NIBAN2: variants seen among roughly 807,000 people sequenced by gnomAD.
NIBAN2 encodes the protein protein Niban 2.
Under a neutral mutation model 81.8 loss-of-function variants are expected in NIBAN2, and 36 were observed. The ratio of observed to expected loss-of-function variants is 0.44; its 90% CI spans 0.34 to 0.58. The LOEUF (loss-of-function observed/expected upper bound fraction) is 0.58, where lower values mean the gene tolerates loss of function less well. Ranked by LOEUF, NIBAN2 falls within the 20% of genes least tolerant of loss-of-function variation. The probability of loss-of-function intolerance (pLI) is 0.02; values close to 1 mark genes in which losing one functional copy is unlikely to be tolerated. For missense variants in NIBAN2, 897 were observed against 1,014.1 expected (o/e 0.88, Z 1.57); for synonymous variants, 445 against 441.6 (o/e 1.01, Z -0.10).
chr9:127,535,066 AT>A (rs1330832085), intron 1 of NIBAN2, among the ~76,000 whole-genome samples: 1 of 152,198 alleles, frequency 6.6e-6, no homozygotes, highest in Non-Finnish European at 1.5e-5. Flanking sequence ...CCCCACAGGC[AT>A]TCTATCAACG....
In NIBAN2 at chr9:127,508,895, GC is replaced by G. The variant is rs1034808263; in HGVS notation, c.1317+80del. On this transcript the variant is annotated intron_variant, in intron 10 of 13. Transcript: ENST00000373312. This position sits in a 1 kb window ranked among gnomAD's most constrained non-coding sequence, Gnocchi z 6.4. ...CGTGGCTATGGCATGACGGGACGGA[GC>G]AGAAGGGACCCCCTGGGCGAGGGGG... 3.3e-6 allele frequency: 5 copies of G among 1,512,226 alleles called. No homozygotes were observed. The African/African-American group carries it at 6.9e-5, about 21-fold the overall frequency. The allele number at this position is 1,512,226 out of a possible 1,614,324, so 93.7% of individuals were successfully genotyped here. A position where few individuals can be genotyped will look rare whatever the true frequency, so the allele number is the denominator to read the frequency against.
rs1222392858 is a variant in NIBAN2 at position 127,508,100 on chromosome 9, C to A, written c.1535G>T (p.Cys512Phe). 6.2e-7 allele frequency: 1 copy of A among 1,613,420 alleles called. No individual in the cohort carries two copies. Among genetic ancestry groups the A allele is most frequent in the Non-Finnish European group, 8.5e-7 (1 of 1,179,888 alleles). The change falls in exon 12 of 14, where the codon TGC (cysteine) becomes TTC (phenylalanine). Residue 512 changes from cysteine to phenylalanine, a missense_variant. Cys to Phe is a radical substitution (Grantham distance 205). Transcript: ENST00000373312. This position sits in a 1 kb window ranked among gnomAD's most constrained non-coding sequence, Gnocchi z 6.4. ...CAGGTGGGGGCTGCTCACCGACTTG[C>A]AGGTAGGGGCCAGCTTCTTGAGCAG... ...PFLLKKLAPT[C>F]KSELPRFQEL...
At chr9:127,551,958 G>A (rs1391133598) in intron 1 of NIBAN2, among the ~76,000 whole-genome samples, 4 of 152,154 alleles carry the variant, frequency 2.6e-5, no homozygotes, top group East Asian at 1.9e-4. Flanking sequence ...AGCAGCAGGT[G>A]CAGGGCTTGC....
At chr9:127,526,543 T>C (rs965151549) in intron 3 of NIBAN2, among the ~76,000 whole-genome samples, 2 of 152,140 alleles carry the variant, frequency 1.3e-5, no homozygotes, top group African/African-American at 4.8e-5. Context: ...ACCACTACTC[T>C]GGGGCACGAG....
chr9:127,519,591 C>T (rs935168728), intron 5 of NIBAN2, among the ~76,000 whole-genome samples: 2 of 152,264 alleles, frequency 1.3e-5, no homozygotes, highest in Non-Finnish European at 2.9e-5. Context: ...CAGCTGACCA[C>T]AGAAATCACT....
intron 1 of NIBAN2, among the ~76,000 whole-genome samples, chr9:127,552,670 G>A (rs1208804046): frequency 1.4e-5 from 2 of 147,266 alleles, no homozygotes; most frequent in African/African-American, 5.0e-5. Flanking sequence ...CTATTGAGGC[G>A]TAATGGAATA....
chr9:127,508,348 G>C lies in NIBAN2; in HGVS notation c.1434+74C>G, dbSNP rs1564293142. On this transcript the variant is annotated intron_variant, in intron 11 of 13. Transcript: ENST00000373312. The surrounding 1 kb of genome is among the most constrained non-coding windows in gnomAD (Gnocchi z 6.4). ...GCCTCCTTGCAGGGACAGCAATCCT[G>C]GTGGTGGCCGGGGATGAGGCTCGGG... 7.1e-7 allele frequency: 1 copy of C among 1,402,914 alleles called. No homozygotes were observed. 86.9% of individuals were successfully genotyped at this position (1,402,914 alleles called of 1,614,324 possible).
intron 1 of NIBAN2, among the ~76,000 whole-genome samples, chr9:127,578,628 A>G (rs970132815): frequency 6.6e-6 from 1 of 151,768 alleles, no homozygotes; most frequent in Non-Finnish European, 1.5e-5. Context: ...AGATCTCGCC[A>G]TTGCAGTCCA....
chr9:127,518,347 C>T (rs1014990542), intron 5 of NIBAN2, among the ~76,000 whole-genome samples: 5 of 152,230 alleles, frequency 3.3e-5, no homozygotes, highest in African/African-American at 4.8e-5. Context: ...TAAGCAGCCA[C>T]CCAGAATGGC....
chr9:127,515,242 CAGG>C (rs1243784511), intron 8 of NIBAN2, among the ~76,000 whole-genome samples: 1 of 152,020 alleles, frequency 6.6e-6, no homozygotes, highest in Non-Finnish European at 1.5e-5. Context: ...GCCGGGCGGC[CAGG>C]CGCGGTGGCT....
At chr9:127,556,660 G>C (rs538433249) in intron 1 of NIBAN2, among the ~76,000 whole-genome samples, 2 of 152,334 alleles carry the variant, frequency 1.3e-5, no homozygotes, top group East Asian at 3.9e-4. Context: ...CATAAAGCCT[G>C]ACCTAGGGTA....
chr9:127,523,671 C>A lies in NIBAN2; in HGVS notation c.589+8G>T, dbSNP rs1284588795. On this transcript the variant is annotated splice_region_variant and intron_variant, in intron 5 of 13. Transcript: ENST00000373312. ...CTCCCACCGACCCTGCACCCACAGG[C>A]CACTCACCATTGTTGCAGTGCCGGA... 2 of 1,605,454 alleles carry A rather than the reference C, an allele frequency of 1.2e-6. No homozygotes were observed. Among genetic ancestry groups the A allele is most frequent in the Non-Finnish European group, 1.7e-6 (2 of 1,173,156 alleles).
chr9:127,552,330 T>A (rs1194536485), intron 1 of NIBAN2, among the ~76,000 whole-genome samples: 2 of 152,186 alleles, frequency 1.3e-5, no homozygotes, highest in Non-Finnish European at 2.9e-5. Context: ...CGCAGCACTT[T>A]GGGAGGCTGA....
Position 127,507,332 on chromosome 9 carries a change from GC to G in NIBAN2, c.1753del (p.Ala585ProfsTer168). On this transcript the variant is annotated frameshift_variant, in exon 14 of 14. Transcript: ENST00000373312. LOFTEE classifies it low-confidence loss of function (END_TRUNC). This position sits in a 1 kb window ranked among gnomAD's most constrained non-coding sequence, Gnocchi z 6.8. Reference protein sequence around the residue: ...DPNLHLLAEGAPIDWGEEYSN... With the variant: ...DPNLHLLAEGXPIDWGEEYSN... ...GTACTCCTCGCCCCAGTCGATGGGGGCGCCCTCGGCCAGCAGGTGCAGGTTG... is the reference window on the plus strand; with the variant it reads ...GTACTCCTCGCCCCAGTCGATGGGGGGCCCTCGGCCAGCAGGTGCAGGTTG... 6.4e-7 allele frequency: 1 copy of G among 1,557,464 alleles called. No individual in the cohort carries two copies. The highest frequency in any genetic ancestry group is 8.7e-7 in the Non-Finnish European group (1 of 1,148,532).
chr9:127,508,262 G>C lies in NIBAN2; in HGVS notation c.1435-62C>G. On this transcript the variant is annotated intron_variant, in intron 11 of 13. Coordinates refer to ENST00000373312, the MANE Select transcript of NIBAN2 (RefSeq NM_022833.4). The surrounding 1 kb of genome is among the most constrained non-coding windows in gnomAD (Gnocchi z 6.4). ...GTGGGCTCCATTGGCCCTGAGGGTAGGACGAGGCCAGTGGTCTGACCCAAG... is the reference window on the plus strand; with the variant it reads ...GTGGGCTCCATTGGCCCTGAGGGTACGACGAGGCCAGTGGTCTGACCCAAG... 6.9e-7 allele frequency: 1 copy of C among 1,446,470 alleles called. No homozygotes were observed. The highest frequency in any genetic ancestry group is 1.4e-5 in the African/African-American group (1 of 71,792). 89.6% of individuals were successfully genotyped at this position (1,446,470 alleles called of 1,614,324 possible).
intron 1 of NIBAN2, among the ~76,000 whole-genome samples, chr9:127,540,591 C>T (rs1354199817): frequency 2.0e-5 from 3 of 152,248 alleles, no homozygotes; most frequent in African/African-American, 7.2e-5. Context: ...ACCAGGTGAC[C>T]GAGAACTGGG....
rs1393731348 is a variant in NIBAN2 at position 127,506,852 on chromosome 9, T to A, written c.2234A>T (p.Glu745Val). The change falls in exon 14 of 14, where the codon GAG becomes GTG. Residue 745 changes from glutamate to valine, a missense_variant. By Grantham distance (121) the Glu-to-Val change is moderately radical. Around this residue, in one of 3 missense-constraint regions of NIBAN2, gnomAD observed 619 missense variants for 691.0 expected, o/e 0.90. Transcript: ENST00000373312. ...TTEDSAGVQTEF is the reference protein window; with the variant it reads ...TTEDSAGVQTVF ...AGTCAGGGACCCACTGGCCTAGAAC[T>A]CAGTCTGCACCCCTGCACTGTCCTC... 3.7e-6 allele frequency: 6 copies of A among 1,605,048 alleles called. No homozygotes were observed. Among genetic ancestry groups the A allele is most frequent in the Non-Finnish European group, 4.3e-6 (5 of 1,176,098 alleles).
intron 1 of NIBAN2, among the ~76,000 whole-genome samples, chr9:127,539,448 G>A (rs1588172046): frequency 1.3e-5 from 2 of 152,182 alleles, no homozygotes; most frequent in Non-Finnish European, 2.9e-5. Context: ...TGACTTTCCC[G>A]AGGCAACAGC....
chr9:127,513,048 G>A (rs556710345), intron 8 of NIBAN2, among the ~76,000 whole-genome samples: 3 of 152,246 alleles, frequency 2.0e-5, no homozygotes, highest in South Asian at 2.1e-4. Context: ...AAAAAAGAAC[G>A]AGTTTCAGTC....
Sources: gnomAD v4.1 joint callset for allele counts (sites outside exome capture counted in the v4.1 genomes callset) on GRCh38, gnomAD v4.1.1 for gene constraint, gnomAD v4.1.1 regional missense constraint, Gnocchi (gnomAD v3.1) non-coding constraint, MANE v1.5 for transcripts, NCBI Gene and HGNC (gene_info 2026-07-23, HGNC 2026-07-21) for gene names.